The following CAMK2D variants were observed in gnomAD, a reference collection of about 807,000 sequenced individuals.
The protein encoded by CAMK2D is calcium/calmodulin dependent protein kinase II delta, also known as calcium/calmodulin-dependent protein kinase type II subunit delta.
In CAMK2D, 37 loss-of-function variants were observed where a neutral mutation model predicts 84.0. The ratio of observed to expected loss-of-function variants is 0.44; its 90% confidence interval spans 0.34 to 0.58. The LOEUF is 0.58. Among genes scored for constraint, CAMK2D ranks in the 20% least tolerant of loss-of-function variants. The probability of loss-of-function intolerance (pLI) is 0.02; values close to 1 mark genes in which losing one functional copy is unlikely to be tolerated. For synonymous variants in CAMK2D, 202 were observed against 212.5 expected, an observed-to-expected ratio of 0.95 and a Z score of 0.43; for missense variants, 448 against 652.5, an observed-to-expected ratio of 0.69 and a Z score of 3.41.
intron 2 of CAMK2D, among the ~76,000 whole-genome samples, chr4:113,748,273 G>A (rs1401361496): frequency 1.3e-5 from 2 of 152,054 alleles, no homozygotes; most frequent in African/African-American, 4.8e-5. Flanking sequence ...CCTAGCAGAA[G>A]GACCAGAACA....
At chr4:113,655,385 G>GA (rs1420784462) in intron 3 of CAMK2D, among the ~76,000 whole-genome samples, 1 of 152,034 alleles carries the variant, frequency 6.6e-6, no homozygotes, top group Non-Finnish European at 1.5e-5. Context: ...ATTGAGCTAT[G>GA]ACGTGATCTA....
chr4:113,678,103 C>T (rs1017111700), intron 2 of CAMK2D, among the ~76,000 whole-genome samples: 3 of 152,028 alleles, frequency 2.0e-5, no homozygotes, highest in African/African-American at 7.2e-5. Context: ...GAAAAATACC[C>T]TTTTTGTAAG....
At chr4:113,460,534 G>A (rs954944826) in intron 17 of CAMK2D, among the ~76,000 whole-genome samples, 1 of 151,742 alleles carries the variant, frequency 6.6e-6, no homozygotes, top group African/African-American at 2.4e-5. Flanking sequence ...TTATTTTTAA[G>A]GTGAATTTTC....
chr4:113,531,176 T>C (rs202172283), intron 8 of CAMK2D, 40 bp downstream of exon 8: 9 of 1,016,108 alleles, frequency 8.9e-6, no homozygotes, highest in Non-Finnish European at 1.4e-5. Context: ...ACTAAGACAC[T>C]AGCTTATCAC....
chr4:113,641,790 C>G (rs1332419057), intron 3 of CAMK2D, among the ~76,000 whole-genome samples: 1 of 152,056 alleles, frequency 6.6e-6, no homozygotes, highest in Admixed American at 6.6e-5. Context: ...GGTGGATCAT[C>G]TGAGGTCGGG....
At chr4:113,473,272 T>A (rs1213004426) in intron 16 of CAMK2D, among the ~76,000 whole-genome samples, 2 of 152,214 alleles carry the variant, frequency 1.3e-5, no homozygotes, top group Non-Finnish European at 2.9e-5. Context: ...GAATAGTTAC[T>A]ATTTTAGGCA....
At chr4:113,713,317 T>G (rs948599984) in intron 2 of CAMK2D, among the ~76,000 whole-genome samples, 1 of 151,554 alleles carries the variant, frequency 6.6e-6, no homozygotes, top group Non-Finnish European at 1.5e-5. Flanking sequence ...GTTTTCAAAG[T>G]GACTTTGCAA....
At chr4:113,490,602 C>A in intron 16 of CAMK2D, among the ~76,000 whole-genome samples, 1 of 149,684 alleles carries the variant, frequency 6.7e-6, no homozygotes, top group South Asian at 2.1e-4. Context: ...GTTCTCTTGG[C>A]TTAGGACTGA....
intron 3 of CAMK2D, among the ~76,000 whole-genome samples, chr4:113,622,694 C>G (rs1002284405): frequency 6.6e-6 from 1 of 152,172 alleles, no homozygotes; most frequent in Non-Finnish European, 1.5e-5. Flanking sequence ...AGCTCAGGAG[C>G]TCAAGGCTAC....
chr4:113,489,288 C>A (rs58776249), intron 16 of CAMK2D, among the ~76,000 whole-genome samples: 2 of 118,682 alleles, frequency 1.7e-5, no homozygotes, highest in East Asian at 3.2e-4. Flanking sequence ...ATCCCTCCCC[C>A]CTCCCCCCAC....
chr4:113,643,687 C>A (rs59645997), intron 3 of CAMK2D, among the ~76,000 whole-genome samples: 3,288 of 152,332 alleles, frequency 0.022, 124 homozygotes, highest in African/African-American at 0.073. Context: ...AACCATCAGA[C>A]TTTCCTCCCA....
At chr4:113,709,391 A>G (rs1429265550) in intron 2 of CAMK2D, among the ~76,000 whole-genome samples, 2 of 152,110 alleles carry the variant, frequency 1.3e-5, no homozygotes, top group Non-Finnish European at 2.9e-5. Context: ...AATGAAAAAA[A>G]AAGTGTTTAA....
chr4:113,646,116 G>A (rs1444763124), intron 3 of CAMK2D, among the ~76,000 whole-genome samples: 1 of 152,156 alleles, frequency 6.6e-6, no homozygotes, highest in African/African-American at 2.4e-5. Context: ...AGTCATTTTA[G>A]CCAGAAGGAA....
intron 12 of CAMK2D, among the ~76,000 whole-genome samples, chr4:113,509,916 T>C (rs552632426): frequency 6.6e-6 from 1 of 152,356 alleles, no homozygotes; most frequent in South Asian, 2.1e-4. Context: ...TACAATTGAA[T>C]ACTTTGCCAG....
At chr4:113,537,853 A>C (rs1484148292) in intron 6 of CAMK2D, among the ~76,000 whole-genome samples, 5 of 152,210 alleles carry the variant, frequency 3.3e-5, no homozygotes, top group Admixed American at 6.5e-5. Context: ...AGTTGGACCA[A>C]TCTACAGACA....
At chr4:113,722,184 A>C (rs2099532612) in intron 2 of CAMK2D, among the ~76,000 whole-genome samples, 1 of 152,182 alleles carries the variant, frequency 6.6e-6, no homozygotes, top group African/African-American at 2.4e-5. Flanking sequence ...ACATTCCTCC[A>C]AAGTTCTCAA....
chr4:113,577,763 T>G (rs1184872725), intron 4 of CAMK2D, among the ~76,000 whole-genome samples: 1 of 152,134 alleles, frequency 6.6e-6, no homozygotes, highest in Non-Finnish European at 1.5e-5. Flanking sequence ...ACTATTTTTT[T>G]TTTTTAGATC....
At chr4:113,632,938 C>T (rs980925690) in intron 3 of CAMK2D, among the ~76,000 whole-genome samples, 2 of 152,190 alleles carry the variant, frequency 1.3e-5, no homozygotes, top group African/African-American at 4.8e-5. Context: ...TATTCCTAGG[C>T]ATAAAGTCAG....
intron 3 of CAMK2D, among the ~76,000 whole-genome samples, chr4:113,659,822 T>C (rs1415450860): frequency 6.6e-6 from 1 of 152,124 alleles, no homozygotes; most frequent in Non-Finnish European, 1.5e-5. Flanking sequence ...TATGTCAGAG[T>C]TGTTTTGTTC....
Sources: allele counts gnomAD v4.1 joint callset (sites outside exome capture counted in the v4.1 genomes callset), GRCh38; gene constraint gnomAD v4.1.1; transcripts MANE v1.5; gene names NCBI Gene and HGNC (gene_info 2026-07-23, HGNC 2026-07-21).